The following RANBP3 variants were observed in gnomAD, a reference collection of about 807,000 sequenced individuals.
RANBP3 encodes ran-binding protein 3.
In RANBP3, 14 loss-of-function variants were observed where a neutral mutation model predicts 77.3. That is an observed-to-expected ratio of 0.18 (90% CI 0.12 to 0.28). The LOEUF is 0.28. Among genes scored for constraint, RANBP3 ranks in the 10% least tolerant of loss-of-function variants. The pLI, the probability that RANBP3 is intolerant of heterozygous loss-of-function variation, is 1.00. For missense variants in RANBP3, 586 were observed against 752.3 expected, an observed-to-expected ratio of 0.78 and a Z score of 2.59; for synonymous variants, 315 against 312.4, an observed-to-expected ratio of 1.01 and a Z score of -0.09.
rs1230983866 is a variant in RANBP3, at chr19:5,917,967, T to A, written c.1487A>T (p.Asp496Val). ...CAGGGCTGCATACAACTGACCTGTG[T>A]CCTTGGAGCTGGCCTGGGAAGGGAG... ...KVFLISASSK[D>V]TGQLYAALHH... The change falls in exon 16 of 17, where the codon GAC (aspartate) becomes GTC (valine). Residue 496 changes from aspartate (D) to valine (V), a missense_variant. Coordinates refer to ENST00000340578, the MANE Select transcript of RANBP3 (RefSeq NM_007322.3). The A allele has an allele frequency of 6.3e-7, 1 of 1,594,650 alleles. No homozygotes were observed. Among genetic ancestry groups the A allele is most frequent in the South Asian group, 1.1e-5 (1 of 89,592 alleles).
At chr19:5,948,028 G>A (rs1044373278) in intron 3 of RANBP3, among the ~76,000 whole-genome samples, 1 of 152,148 alleles carries the variant, frequency 6.6e-6, no homozygotes, top group African/African-American at 2.4e-5. Context: ...AGGCGGCCCA[G>A]GGAAAGGGAC....
At chr19:5,953,701 T>A (rs73920098) in intron 2 of RANBP3, among the ~76,000 whole-genome samples, 3,157 of 152,290 alleles carry the variant, frequency 0.021, 110 homozygotes, top group African/African-American at 0.073. Flanking sequence ...TCTATCTCCA[T>A]CCAAGGCAGT....
At chr19:5,923,135 G>A (rs940683677) in intron 13 of RANBP3, 59 bp downstream of exon 13, 50 of 1,384,986 alleles carry the variant, frequency 3.6e-5, no homozygotes, top group Admixed American at 2.7e-4. Context: ...CAGCCCTTGC[G>A]GTTGGACCCC....
intron 9 of RANBP3, 114 bp downstream of exon 9, chr19:5,927,854 C>T (rs1344692869): frequency 5.8e-6 from 8 of 1,387,284 alleles, no homozygotes; most frequent in East Asian, 2.4e-5. Context: ...CTCGCTAACA[C>T]CTTCTTTGTC....
rs2058357188 is a variant in RANBP3, at chr19:5,958,136, C to T, written c.23-163G>A. Among the ~76,000 whole-genome samples the T allele has an allele frequency of 6.6e-6, 1 of 152,186 alleles. No homozygotes were observed. Among genetic ancestry groups the T allele is most frequent in the Admixed American group, 6.5e-5 (1 of 15,280 alleles). ...GCGTCTTGACTCGGATGCCTGGAGGCACAGGTGTGCTGGGTTTGTGAAATG... is the reference window on the plus strand; with the variant it reads ...GCGTCTTGACTCGGATGCCTGGAGGTACAGGTGTGCTGGGTTTGTGAAATG... On this transcript the variant is annotated intron_variant, in intron 1 of 16. Transcript: ENST00000340578. This position sits in a 1 kb window ranked among gnomAD's most constrained non-coding sequence, Gnocchi z 4.4.
At chr19:5,974,031 C>A (rs939710901) in intron 1 of RANBP3, among the ~76,000 whole-genome samples, 2 of 152,168 alleles carry the variant, frequency 1.3e-5, no homozygotes, top group Non-Finnish European at 2.9e-5. Context: ...GCAGCCTCCC[C>A]ACCCCCACTC....
intron 1 of RANBP3, among the ~76,000 whole-genome samples, chr19:5,966,225 A>T (rs376071007): frequency 1.3e-5 from 2 of 152,212 alleles, no homozygotes. Flanking sequence ...GCACCTATGG[A>T]GGAGCACGAA....
chr19:5,948,138 C>A (rs2058230707), intron 3 of RANBP3, among the ~76,000 whole-genome samples: 1 of 152,292 alleles, frequency 6.6e-6, no homozygotes, highest in Middle Eastern at 3.4e-3. Flanking sequence ...GGCCAGAAAG[C>A]AAGGCCATGT....
chr19:5,932,868 C>T lies in RANBP3; in HGVS notation c.473-324G>A, dbSNP rs915726269. 1.0e-5 allele frequency: 4 copies of T among 381,612 alleles called. No homozygotes were observed. The East Asian group carries it at 1.7e-4, about 16-fold the overall frequency. The allele number at this position is 381,612 out of a possible 1,614,324, so 23.6% of individuals were successfully genotyped here. ...GAGCAGTGCATTCACAGGCAGCTAC[C>T]TGGAGGCTCAGGACTCGGTGTGGGG... On this transcript the variant is annotated intron_variant, in intron 6 of 16. Transcript: ENST00000340578.
chr19:5,951,912 G>C (rs2058281620), intron 2 of RANBP3, among the ~76,000 whole-genome samples: 4 of 152,214 alleles, frequency 2.6e-5, no homozygotes, highest in Admixed American at 2.6e-4. Context: ...ACGGGCCTTG[G>C]TGATCAAGGG....
intron 1 of RANBP3, among the ~76,000 whole-genome samples, chr19:5,968,256 G>A (rs1021680560): frequency 5.9e-5 from 9 of 152,220 alleles, no homozygotes; most frequent in African/African-American, 2.2e-4. Context: ...AGGCAGCAGA[G>A]CAAAACTGAT....
intron 1 of RANBP3, among the ~76,000 whole-genome samples, chr19:5,970,174 C>A (rs1460704277): frequency 6.6e-6 from 1 of 152,136 alleles, no homozygotes; most frequent in Non-Finnish European, 1.5e-5. Context: ...GCAAGTGACC[C>A]AAGTCCAAAT....
At chr19:5,967,369 C>T (rs1490735574) in intron 1 of RANBP3, among the ~76,000 whole-genome samples, 1 of 152,228 alleles carries the variant, frequency 6.6e-6, no homozygotes, top group Non-Finnish European at 1.5e-5. Flanking sequence ...AACTACCGAA[C>T]TCCAAGCCAA....
At chr19:5,966,616 T>C (rs1418708241) in intron 1 of RANBP3, among the ~76,000 whole-genome samples, 1 of 152,274 alleles carries the variant, frequency 6.6e-6, no homozygotes, top group African/African-American at 2.4e-5. Context: ...CAGTAAGCTT[T>C]GCTTCCCCAC....
At chr19:5,929,922 C>A (rs1485418142) in intron 8 of RANBP3, among the ~76,000 whole-genome samples, 2 of 152,060 alleles carry the variant, frequency 1.3e-5, no homozygotes, top group African/African-American at 4.8e-5. Context: ...GCCAGCACAT[C>A]ACAACTTCTG....
At chr19:5,935,774 CCT>C (rs1312465648) in intron 5 of RANBP3, 1 of 456,636 alleles carries the variant, frequency 2.2e-6, no homozygotes, top group Non-Finnish European at 4.4e-6. Flanking sequence ...TCTGGAGGTC[CCT>C]GTCACAGGCC....
intron 5 of RANBP3, among the ~76,000 whole-genome samples, chr19:5,936,992 G>A (rs2058072501): frequency 7.1e-6 from 1 of 140,156 alleles, no homozygotes; most frequent in African/African-American, 2.7e-5. Context: ...GGAGGCAGAG[G>A]GTGCAGTGAG....
At chr19:5,927,372 C>T (rs2057925970) in intron 9 of RANBP3, among the ~76,000 whole-genome samples, 2 of 152,120 alleles carry the variant, frequency 1.3e-5, no homozygotes, top group Non-Finnish European at 2.9e-5. Flanking sequence ...CCCCACCCTG[C>T]CCCACTTAAA....
In RANBP3 at chr19:5,921,153, G is replaced by A. The variant is rs772758509; in HGVS notation, c.1330+48C>T. ...TCCCTTTGGAATTGCATAGTCCCCA[G>A]CCCTCCCCATGGGGACCCGGCCACA... On this transcript the variant is annotated intron_variant, in intron 14 of 16. Transcript: ENST00000340578. The surrounding 1 kb of genome is among the most constrained non-coding windows in gnomAD (Gnocchi z 5.3). 13 of 1,585,312 alleles carry A rather than the reference G, an allele frequency of 8.2e-6. No homozygotes were observed. In the Admixed American group the frequency reaches 2.0e-4, roughly 25 times the overall value.
Sources: gnomAD v4.1 joint callset for allele counts (sites outside exome capture counted in the v4.1 genomes callset) on GRCh38, gnomAD v4.1.1 for gene constraint, Gnocchi (gnomAD v3.1) non-coding constraint, MANE v1.5 for transcripts, NCBI Gene and HGNC (gene_info 2026-07-23, HGNC 2026-07-21) for gene names.